The following GRID2 variants were observed in gnomAD, a reference collection of about 807,000 sequenced individuals.
The protein encoded by GRID2 is glutamate ionotropic receptor delta type subunit 2, also known as glutamate receptor ionotropic, delta-2.
In GRID2, 33 loss-of-function variants were observed where a neutral mutation model predicts 114.8. That is an observed-to-expected ratio of 0.29 (90% CI 0.22 to 0.38). The LOEUF is 0.38. Ranked by LOEUF, GRID2 falls within the 10% of genes least tolerant of loss-of-function variation. The pLI is 1.00. For synonymous variants in GRID2, 505 were observed against 449.9 expected (o/e 1.12, Z -1.55); for missense variants, 1,184 against 1,257.7 (o/e 0.94, Z 0.89).
intron 1 of GRID2, among the ~76,000 whole-genome samples, chr4:92,425,553 A>G (rs988364428): frequency 9.9e-5 from 15 of 152,228 alleles, no homozygotes; most frequent in African/African-American, 3.6e-4. Context: ...TTTAGGACAC[A>G]TAGTAGCAAA....
intron 4 of GRID2, among the ~76,000 whole-genome samples, chr4:93,141,870 G>GT (rs1474938939): frequency 6.6e-6 from 1 of 152,146 alleles, no homozygotes; most frequent in Non-Finnish European, 1.5e-5. Context: ...TGGTGATCTT[G>GT]TTTGACTTTC....
At chr4:93,184,812 G>A (rs2149439894) in intron 4 of GRID2, among the ~76,000 whole-genome samples, 1 of 152,224 alleles carries the variant, frequency 6.6e-6, no homozygotes, top group East Asian at 1.9e-4. Flanking sequence ...AACCCTAGAG[G>A]CAGAAGTTGT....
intron 2 of GRID2, among the ~76,000 whole-genome samples, chr4:92,691,716 G>T (rs555373643): frequency 6.6e-6 from 1 of 152,200 alleles, no homozygotes; most frequent in East Asian, 1.9e-4. Flanking sequence ...TTGGAAAACG[G>T]CAGTCATCCT....
At chr4:92,966,947 C>G (rs1265008171) in intron 2 of GRID2, among the ~76,000 whole-genome samples, 1 of 151,794 alleles carries the variant, frequency 6.6e-6, no homozygotes, top group Non-Finnish European at 1.5e-5. Flanking sequence ...GATATAGGCA[C>G]CGTTGTCATG....
At chr4:93,124,214 A>G (rs940162456) in intron 4 of GRID2, among the ~76,000 whole-genome samples, 3 of 152,156 alleles carry the variant, frequency 2.0e-5, no homozygotes, top group Non-Finnish European at 2.9e-5. Flanking sequence ...GGACAGGCTA[A>G]CATATGAAGG....
intron 14 of GRID2, among the ~76,000 whole-genome samples, chr4:93,677,068 C>T (rs1724947345): frequency 6.6e-6 from 1 of 152,038 alleles, no homozygotes; most frequent in Admixed American, 6.5e-5. Flanking sequence ...TCGGGTCACT[C>T]CCACCCAAAT....
intron 1 of GRID2, among the ~76,000 whole-genome samples, chr4:92,331,268 G>T (rs1488915877): frequency 6.6e-6 from 1 of 152,158 alleles, no homozygotes; most frequent in Non-Finnish European, 1.5e-5. Context: ...AAAGGCAAGA[G>T]AAACTATGTG....
chr4:92,324,970 A>G (rs1726517013), intron 1 of GRID2, among the ~76,000 whole-genome samples: 1 of 151,966 alleles, frequency 6.6e-6, no homozygotes, highest in Admixed American at 6.6e-5. Context: ...ATCCAACTAT[A>G]CAAAAAATAA....
intron 14 of GRID2, among the ~76,000 whole-genome samples, chr4:93,711,899 T>A (rs1249561178): frequency 6.6e-6 from 1 of 152,204 alleles, no homozygotes; most frequent in Non-Finnish European, 1.5e-5. Flanking sequence ...GAAGCTGTTT[T>A]CTTGTGTGGA....
chr4:92,793,594 T>C (rs564068646), intron 2 of GRID2, among the ~76,000 whole-genome samples: 1 of 151,720 alleles, frequency 6.6e-6, no homozygotes, highest in South Asian at 2.1e-4. Flanking sequence ...TGAATGTCTG[T>C]AGGGCCAATC....
intron 2 of GRID2, among the ~76,000 whole-genome samples, chr4:92,731,078 T>C (rs1043260860): frequency 6.6e-6 from 1 of 151,916 alleles, no homozygotes; most frequent in African/African-American, 2.4e-5. Context: ...ATTGGATGTC[T>C]TAGCTTTACT....
chr4:93,693,683 G>C (rs375427755), intron 14 of GRID2, among the ~76,000 whole-genome samples: 1 of 152,200 alleles, frequency 6.6e-6, no homozygotes, highest in African/African-American at 2.4e-5. Context: ...TATTAATACT[G>C]TATTGTTCTA....
Position 93,626,338 on chromosome 4 carries a change from G to A in GRID2, c.2263G>A (p.Asp755Asn). 1 of 1,603,506 alleles carries A rather than the reference G, an allele frequency of 6.2e-7. No homozygotes were observed. Among genetic ancestry groups the A allele is most frequent in the Non-Finnish European group, 8.5e-7 (1 of 1,170,566 alleles). ...GGAATATGTGGCTATCAATGACCCA[G>A]ATTGTTCCTTTTACACCATTGGAAA... is the stretch of plus-strand genomic sequence containing the variant. ...VLEYVAINDP[D>N]CSFYTIGNTV... The change falls in exon 14 of 16, where the codon GAT becomes AAT. Residue 755 changes from aspartate to asparagine, a missense_variant. Asp to Asn is a conservative substitution (Grantham distance 23). This residue lies in a region of GRID2 where 717 missense variants were observed against 796.9 expected (regional missense o/e 0.90). Coordinates refer to ENST00000282020, the MANE Select transcript of GRID2 (RefSeq NM_001510.4).
chr4:93,003,229 A>T (rs916277580), intron 2 of GRID2, among the ~76,000 whole-genome samples: 1 of 151,988 alleles, frequency 6.6e-6, no homozygotes, highest in African/African-American at 2.4e-5. Context: ...CTTTTTATTC[A>T]GTAAAGTTAT....
intron 1 of GRID2, among the ~76,000 whole-genome samples, chr4:92,452,390 T>A (rs1204546302): frequency 6.6e-6 from 1 of 151,586 alleles, no homozygotes; most frequent in Non-Finnish European, 1.5e-5. Context: ...CGATCTTGGC[T>A]CACTGTAACC....
chr4:93,063,516 A>G (rs1727993795), intron 2 of GRID2, among the ~76,000 whole-genome samples: 1 of 151,884 alleles, frequency 6.6e-6, no homozygotes, highest in African/African-American at 2.4e-5. Context: ...ATATACTCAA[A>G]TGTATAGAGT....
At chr4:93,168,065 G>A (rs1013516903) in intron 4 of GRID2, among the ~76,000 whole-genome samples, 1 of 151,932 alleles carries the variant, frequency 6.6e-6, no homozygotes. Flanking sequence ...GTGTAGTGGT[G>A]CACTCTTGTA....
intron 4 of GRID2, among the ~76,000 whole-genome samples, chr4:93,203,494 G>T (rs977252250): frequency 1.3e-5 from 2 of 151,920 alleles, no homozygotes; most frequent in African/African-American, 4.8e-5. Flanking sequence ...TTGTAAAAAA[G>T]ATTCTAAATA....
intron 1 of GRID2, among the ~76,000 whole-genome samples, chr4:92,537,855 G>T (rs956140429): frequency 1.3e-5 from 2 of 150,454 alleles, no homozygotes; most frequent in Non-Finnish European, 3.0e-5. Context: ...ACCACCCAGA[G>T]AATTAGTAGT....
Sources: gnomAD v4.1 joint callset for allele counts (sites outside exome capture counted in the v4.1 genomes callset) on GRCh38, gnomAD v4.1.1 for gene constraint, gnomAD v4.1.1 regional missense constraint, MANE v1.5 for transcripts, NCBI Gene and HGNC (gene_info 2026-07-23, HGNC 2026-07-21) for gene names.